CTDSPL2: variants seen among roughly 807,000 people sequenced by gnomAD.
CTDSPL2 encodes the protein CTD small phosphatase-like protein 2.
A neutral mutation model predicts 60.0 loss-of-function variants in CTDSPL2; 5 were observed. That is an observed-to-expected ratio of 0.08 (90% CI 0.04 to 0.18). The LOEUF is 0.18. CTDSPL2 is among the 10% of genes least tolerant of loss of function. The pLI is 1.00. For missense variants in CTDSPL2, 370 were observed against 548.8 expected, an observed-to-expected ratio of 0.67 and a Z score of 3.26; for synonymous variants, 186 against 189.3, an observed-to-expected ratio of 0.98 and a Z score of 0.14.
intron 2 of CTDSPL2, among the ~76,000 whole-genome samples, chr15:44,464,705 CT>C (rs2080647733): frequency 2.0e-5 from 3 of 152,086 alleles, no homozygotes; most frequent in African/African-American, 7.2e-5. Flanking sequence ...AGAAATCCTC[CT>C]TTTTTTGTGC....
At chr15:44,444,246 T>G (rs1181173764) in intron 1 of CTDSPL2, among the ~76,000 whole-genome samples, 1 of 151,394 alleles carries the variant, frequency 6.6e-6, no homozygotes, top group Non-Finnish European at 1.5e-5. Flanking sequence ...TTATGTGTGT[T>G]TTTGTTGTCA....
rs529517346 is a variant in CTDSPL2, at chr15:44,508,748, CT to C, written c.970-5849del. ...CCAGCCTGGCCGAGATGGTGAAACC[CT>C]GTGTCTACTAAAAATACAAAAAACT... On this transcript the variant is annotated intron_variant, in intron 8 of 12. Coordinates refer to ENST00000260327, the MANE Select transcript of CTDSPL2 (RefSeq NM_016396.3). 7.4e-3 allele frequency among the ~76,000 whole-genome samples: 1,128 copies of C among 152,162 alleles called. 2 individuals are homozygous for C. Among genetic ancestry groups the C allele is most frequent in the Admixed American group, 0.012 (189 of 15,262 alleles).
chr15:44,482,195 G>T (rs905303), intron 2 of CTDSPL2, among the ~76,000 whole-genome samples: 2,496 of 152,264 alleles, frequency 0.016, 41 homozygotes, highest in Non-Finnish European at 0.027. Context: ...TGCCCAGGCT[G>T]GGGTGCAGTG....
chr15:44,457,289 C>T (rs972682556), intron 1 of CTDSPL2, among the ~76,000 whole-genome samples: 1 of 152,220 alleles, frequency 6.6e-6, no homozygotes, highest in African/African-American at 2.4e-5. Context: ...AGTATAGCCA[C>T]CTTCATCAGT....
intron 2 of CTDSPL2, among the ~76,000 whole-genome samples, chr15:44,482,294 C>T (rs1318254722): frequency 6.6e-6 from 1 of 152,168 alleles, no homozygotes; most frequent in Non-Finnish European, 1.5e-5. Context: ...TGTCACCAAG[C>T]CCAGCTCCAA....
chr15:44,478,152 A>G (rs764317371), intron 2 of CTDSPL2, among the ~76,000 whole-genome samples: 1 of 152,028 alleles, frequency 6.6e-6, no homozygotes, highest in Non-Finnish European at 1.5e-5. Flanking sequence ...AATTCCTTGG[A>G]AAAGATTGGT....
chr15:44,525,175 T>C lies in CTDSPL2; in HGVS notation c.*1001T>C, dbSNP rs2081853234. 3 of 374,186 alleles carry C rather than the reference T, an allele frequency of 8.0e-6. No individual in the cohort carries two copies. Among genetic ancestry groups the C allele is most frequent in the Non-Finnish European group, 1.4e-5 (3 of 210,450 alleles). 23.2% of individuals were successfully genotyped at this position (374,186 alleles called of 1,614,324 possible). On this transcript the variant is annotated 3_prime_UTR_variant, in exon 13 of 13. Coordinates refer to ENST00000260327, the MANE Select transcript of CTDSPL2 (RefSeq NM_016396.3). ...CACAGTGACTCAGTATTTTTAGTTATTTTGCATGGGCTGGTAGTACCTCTG... is the reference window on the plus strand; with the variant it reads ...CACAGTGACTCAGTATTTTTAGTTACTTTGCATGGGCTGGTAGTACCTCTG...
At chr15:44,438,203 G>A (rs1329274154) in intron 1 of CTDSPL2, among the ~76,000 whole-genome samples, 1 of 151,650 alleles carries the variant, frequency 6.6e-6, no homozygotes, top group African/African-American at 2.4e-5. Flanking sequence ...GGTGGAGCTT[G>A]CAGTGAGCTG....
At chr15:44,439,945 A>G (rs1018957392) in intron 1 of CTDSPL2, among the ~76,000 whole-genome samples, 2 of 152,112 alleles carry the variant, frequency 1.3e-5, no homozygotes, top group African/African-American at 4.8e-5. Flanking sequence ...ATTTTCTGGA[A>G]GAGTTTATGT....
chr15:44,444,866 T>TA (rs1595701243), intron 1 of CTDSPL2, among the ~76,000 whole-genome samples: 3 of 139,778 alleles, frequency 2.1e-5, no homozygotes, highest in Non-Finnish European at 3.1e-5. Context: ...TTTTTTTTTT[T>TA]AGACGGAGTC....
intron 2 of CTDSPL2, among the ~76,000 whole-genome samples, chr15:44,473,249 A>G (rs976608024): frequency 7.9e-5 from 12 of 152,174 alleles, no homozygotes; most frequent in Non-Finnish European, 2.9e-5. Context: ...TGCTTTTGGT[A>G]TATCCAAGAA....
intron 8 of CTDSPL2, among the ~76,000 whole-genome samples, chr15:44,510,750 A>C (rs2081552023): frequency 6.6e-6 from 1 of 152,244 alleles, no homozygotes; most frequent in Non-Finnish European, 1.5e-5. Flanking sequence ...TTTGTAGAAT[A>C]GATTTTGAAG....
intron 1 of CTDSPL2, among the ~76,000 whole-genome samples, chr15:44,431,716 GTTTTTTT>G (rs886785067): frequency 6.7e-5 from 9 of 133,628 alleles, no homozygotes; most frequent in South Asian, 2.3e-4. Context: ...TTGTTTGTTT[GTTTTTTT>G]TTTTTTTTTT....
intron 1 of CTDSPL2, among the ~76,000 whole-genome samples, chr15:44,433,523 C>A (rs2079907442): frequency 6.6e-6 from 1 of 151,684 alleles, no homozygotes; most frequent in South Asian, 2.1e-4. Context: ...CACTCTGTTG[C>A]CCGGGCTGGA....
At chr15:44,476,812 A>G (rs1397741578) in intron 2 of CTDSPL2, among the ~76,000 whole-genome samples, 2 of 152,220 alleles carry the variant, frequency 1.3e-5, no homozygotes, top group African/African-American at 4.8e-5. Context: ...TTGTTATGTG[A>G]TGCATTACTT....
Position 44,525,766 on chromosome 15 carries a change from G to A in CTDSPL2, c.*1592G>A, listed in dbSNP as rs527673597. On this transcript the variant is annotated 3_prime_UTR_variant, in exon 13 of 13. Coordinates refer to ENST00000260327, the MANE Select transcript of CTDSPL2 (RefSeq NM_016396.3). ...GAAAACATTTAATTTTTGTATTTTTGATTTTAAAGGCATGAGTTATGTCAA... is the reference window on the plus strand; with the variant it reads ...GAAAACATTTAATTTTTGTATTTTTAATTTTAAAGGCATGAGTTATGTCAA... 1.9e-4 allele frequency: 54 copies of A among 280,498 alleles called. No homozygotes were observed. Among genetic ancestry groups the A allele is most frequent in the African/African-American group, 1.2e-3 (53 of 46,076 alleles). 17.4% of individuals were successfully genotyped at this position (280,498 alleles called of 1,614,324 possible).
At chr15:44,477,707 G>A (rs57270586) in intron 2 of CTDSPL2, among the ~76,000 whole-genome samples, 7,096 of 151,704 alleles carry the variant, frequency 0.047, 312 homozygotes, top group East Asian at 0.23. Context: ...GCATGGTGGC[G>A]CATGCCTGTA....
At chr15:44,496,271 C>T (rs1023651602) in intron 5 of CTDSPL2, 109 bp from the exon 6 acceptor site, 36 of 728,948 alleles carry the variant, frequency 4.9e-5, no homozygotes, top group Non-Finnish European at 5.4e-5. Flanking sequence ...TTATTTCTGT[C>T]TTTAAAATAC....
At chr15:44,497,719 G>C (rs1169435532) in intron 7 of CTDSPL2, among the ~76,000 whole-genome samples, 1 of 152,166 alleles carries the variant, frequency 6.6e-6, no homozygotes, top group Non-Finnish European at 1.5e-5. Context: ...TAGGGACTGG[G>C]TGTGGTAGCT....
Sources: gnomAD v4.1 joint callset for allele counts (sites outside exome capture counted in the v4.1 genomes callset) on GRCh38, gnomAD v4.1.1 for gene constraint, MANE v1.5 for transcripts, NCBI Gene and HGNC (gene_info 2026-07-23, HGNC 2026-07-21) for gene names.